CNBD1: variants seen among roughly 807,000 people sequenced by gnomAD.
The protein encoded by CNBD1 is cyclic nucleotide binding domain containing 1.
CNBD1 carries 71 observed loss-of-function variants against 54.4 expected under a neutral mutation model. The observed-to-expected ratio is 1.30, with a 90% CI of 1.08 to 1.59. The LOEUF is 1.59. Among genes scored for constraint, CNBD1 ranks in the 40% most tolerant of loss-of-function variants. The probability of loss-of-function intolerance (pLI) is 0.00; values close to 1 mark genes in which losing one functional copy is unlikely to be tolerated. For synonymous variants in CNBD1, 182 were observed against 170.7 expected (o/e 1.07, Z -0.51); for missense variants, 659 against 518.0 (o/e 1.27, Z -2.64).
intron 4 of CNBD1, among the ~76,000 whole-genome samples, chr8:86,950,052 GTT>G (rs55781806): frequency 2.1e-4 from 3 of 14,366 alleles, no homozygotes; most frequent in Admixed American, 1.0e-3. Flanking sequence ...TGCCTCCCGG[GTT>G]TTTTTTTTTT....
chr8:87,377,154 T>A (rs1358916321), intron 10 of CNBD1, among the ~76,000 whole-genome samples: 1 of 150,132 alleles, frequency 6.7e-6, no homozygotes. Context: ...ATGATTATTA[T>A]TTATATTATT....
At chr8:86,919,287 T>C (rs1809235855) in intron 3 of CNBD1, among the ~76,000 whole-genome samples, 1 of 152,160 alleles carries the variant, frequency 6.6e-6, no homozygotes, top group Non-Finnish European at 1.5e-5. Flanking sequence ...AAATTAAATA[T>C]GTAACAGTTT....
chr8:87,241,345 A>T (rs746703886), intron 6 of CNBD1, among the ~76,000 whole-genome samples: 2 of 132,502 alleles, frequency 1.5e-5, no homozygotes, highest in Non-Finnish European at 3.0e-5. Context: ...ATCTCGGCTC[A>T]CTGCAAGCTC....
chr8:87,394,443 G>T (rs981025026), intron 2 of CNBD1, among the ~76,000 whole-genome samples: 6 of 151,684 alleles, frequency 4.0e-5, no homozygotes, highest in South Asian at 2.1e-4. Flanking sequence ...TATCTTGTTT[G>T]TCACCATTTG....
chr8:86,957,969 T>C (rs1416483424), intron 4 of CNBD1, among the ~76,000 whole-genome samples: 2 of 152,228 alleles, frequency 1.3e-5, no homozygotes, highest in Non-Finnish European at 2.9e-5. Flanking sequence ...GCGCATTTAG[T>C]GCTATAAATT....
chr8:87,328,247 GT>G (rs1338586414), intron 8 of CNBD1, among the ~76,000 whole-genome samples: 1 of 151,824 alleles, frequency 6.6e-6, no homozygotes, highest in African/African-American at 2.4e-5. Flanking sequence ...TTCCTTCATT[GT>G]TTATTTTTGG....
chr8:86,999,152 C>T (rs913397247), intron 4 of CNBD1, among the ~76,000 whole-genome samples: 13 of 152,160 alleles, frequency 8.5e-5, no homozygotes, highest in Non-Finnish European at 1.5e-4. Flanking sequence ...TTGACATTCA[C>T]GGCTTCTTTT....
chr8:87,244,973 A>C (rs1586359860), intron 6 of CNBD1, among the ~76,000 whole-genome samples: 1 of 150,872 alleles, frequency 6.6e-6, no homozygotes, highest in African/African-American at 2.4e-5. Flanking sequence ...TTATTCTTAA[A>C]ATAAAATGTA....
At chr8:86,997,304 A>G (rs1353395622) in intron 4 of CNBD1, among the ~76,000 whole-genome samples, 1 of 152,184 alleles carries the variant, frequency 6.6e-6, no homozygotes, top group Non-Finnish European at 1.5e-5. Flanking sequence ...AAAATTTCCA[A>G]AAATACAAGT....
At chr8:86,880,063 G>GT (rs1808582439) in intron 1 of CNBD1, among the ~76,000 whole-genome samples, 1 of 152,190 alleles carries the variant, frequency 6.6e-6, no homozygotes. Flanking sequence ...TGGAGGATGT[G>GT]TTGGGGAGGA....
chr8:87,265,252 T>C (rs1432373306), intron 6 of CNBD1, among the ~76,000 whole-genome samples: 1 of 152,116 alleles, frequency 6.6e-6, no homozygotes, highest in Admixed American at 6.6e-5. Context: ...ATTTATTAAA[T>C]AGGGAATCCT....
chr8:87,083,094 G>T lies in CNBD1; in HGVS notation c.432-122899G>T, dbSNP rs150074154. Among the ~76,000 whole-genome samples the T allele has an allele frequency of 2.8e-3, 419 of 152,190 alleles. 3 individuals carry two copies. The highest frequency in any genetic ancestry group is 9.6e-3 in the African/African-American group (399 of 41,514). ...ACAAACCATAAATTCTCATCAGATG[G>T]GTTTTATTTAACACTATATATCATG... On this transcript the variant is annotated intron_variant, in intron 4 of 10. Coordinates refer to ENST00000518476, the MANE Select transcript of CNBD1 (RefSeq NM_173538.3).
intron 4 of CNBD1, among the ~76,000 whole-genome samples, chr8:87,033,557 A>T (rs1809840963): frequency 6.6e-6 from 1 of 152,158 alleles, no homozygotes; most frequent in South Asian, 2.1e-4. Flanking sequence ...TTATAGATAA[A>T]GGCAGTACTG....
Position 87,291,421 on chromosome 8 carries a change from G to A in CNBD1, c.1042+4750G>A, listed in dbSNP as rs924691675. Among the ~76,000 whole-genome samples, 149 of 152,070 alleles carry A rather than the reference G, an allele frequency of 9.8e-4. 2 individuals carry two copies. The highest frequency in any genetic ancestry group is 3.3e-3 in the African/African-American group (139 of 41,534). On this transcript the variant is annotated intron_variant, in intron 8 of 10. Transcript: ENST00000518476. ...GAGATGCCTCTTTGTCTCTCTGGGG[G>A]TCAAGAAATATTTTCTGCTAAAGAG...
At position 86,941,369 on chromosome 8, in the gene CNBD1, T is replaced by C. The variant is rs112058831; in HGVS notation, c.431+1615T>C. Among the ~76,000 whole-genome samples the C allele has an allele frequency of 2.2e-3, 340 of 152,326 alleles. 1 individual carries two copies. The highest frequency in any genetic ancestry group is 7.9e-3 in the African/African-American group (329 of 41,576). On this transcript the variant is annotated intron_variant, in intron 4 of 10. Transcript: ENST00000518476. ...AAAACACTGAAAGTGATCTAAGGCA[T>C]ACTATGCTACAATCACTTTAATTCC...
chr8:87,180,258 G>T (rs552930617), intron 4 of CNBD1, among the ~76,000 whole-genome samples: 1 of 152,066 alleles, frequency 6.6e-6, no homozygotes, highest in Non-Finnish European at 1.5e-5. Context: ...AGCATGAATT[G>T]GTTGTTTGCA....
In CNBD1 at chr8:87,393,324, C is replaced by T. The variant is rs145093161; in HGVS notation, c.214-35222C>T. On this transcript the variant is annotated intron_variant, in intron 2 of 7. Transcript: ENST00000521593. ...TCTTGCTCTTTTGATAATATTCTCC[C>T]TCCAGAAACAGTCCATCTGTGCTGC... is the stretch of plus-strand genomic sequence containing the variant. Among the ~76,000 whole-genome samples the T allele has an allele frequency of 2.3e-3, 353 of 151,916 alleles. 2 individuals are homozygous for T. Among genetic ancestry groups the T allele is most frequent in the African/African-American group, 7.2e-3 (298 of 41,516 alleles).
chr8:87,189,462 C>T (rs1007349627), intron 4 of CNBD1, among the ~76,000 whole-genome samples: 1 of 152,068 alleles, frequency 6.6e-6, no homozygotes, highest in African/African-American at 2.4e-5. Flanking sequence ...AGGAAATATG[C>T]TACTATAGTA....
intron 6 of CNBD1, among the ~76,000 whole-genome samples, chr8:87,240,560 A>C (rs1306552883): frequency 6.6e-6 from 1 of 152,162 alleles, no homozygotes; most frequent in Non-Finnish European, 1.5e-5. Context: ...TCAAACTTTC[A>C]TGCTTGATAC....
Sources: allele counts gnomAD v4.1 joint callset (sites outside exome capture counted in the v4.1 genomes callset), GRCh38; gene constraint gnomAD v4.1.1; transcripts MANE v1.5; gene names NCBI Gene and HGNC (gene_info 2026-07-23, HGNC 2026-07-21).